ZNF730: variants seen among roughly 807,000 people sequenced by gnomAD.
The protein encoded by ZNF730 is zinc finger protein 730, also known as putative zinc finger protein 730.
Under a neutral mutation model 12.6 loss-of-function variants are expected in ZNF730, and 12 were observed. The observed-to-expected ratio is 0.95, with a 90% CI of 0.61 to 1.54. The LOEUF is 1.54. Among genes scored for constraint, ZNF730 ranks in the 40% most tolerant of loss-of-function variants. The pLI, the probability that ZNF730 is intolerant of heterozygous loss-of-function variation, is 0.00. For synonymous variants in ZNF730, 194 were observed against 195.8 expected, an observed-to-expected ratio of 0.99 and a Z score of 0.08; for missense variants, 643 against 583.5, an observed-to-expected ratio of 1.10 and a Z score of -1.05.
chr19:23,114,395 C>A (rs1568309583), upstream of ZNF730, among the ~76,000 whole-genome samples: 1 of 148,958 alleles, frequency 6.7e-6, no homozygotes, highest in Non-Finnish European at 1.5e-5. Flanking sequence ...CAAGCTCCGC[C>A]TCCCGGGTTC....
chr19:23,127,194 G>A (rs184875458), intron 1 of ZNF730: 75 of 572,186 alleles, frequency 1.3e-4, no homozygotes, highest in African/African-American at 1.1e-3. Context: ...CCTTTACTCC[G>A]GAAATAATTA....
In ZNF730 at chr19:23,145,531, C is replaced by G. The variant is rs541859764; in HGVS notation, c.487C>G (p.His163Asp). 3 of 1,557,754 alleles carry G rather than the reference C, an allele frequency of 1.9e-6. No homozygotes were observed. Among genetic ancestry groups the G allele is most frequent in the East Asian group, 4.8e-5 (2 of 41,826 alleles). The part of the protein sequence containing the change: ...VFHKFSNSNR[H>D]KIRHTSKKPF... ...TCATAAATTTTCAAATTCAAACAGA[C>G]ATAAGATAAGACATACTTCGAAGAA... The change falls in exon 4 of 4, where the codon CAT becomes GAT. Residue 163 changes from histidine to aspartate, a missense_variant. By Grantham distance (81) the His-to-Asp change is moderately conservative. Transcript: ENST00000597761.
Position 23,131,101 on chromosome 19 carries a change from GT to G in ZNF730, c.4-2975del, listed in dbSNP as rs376976496. ...GCAGAGACATTTTATTTAGCAACTT[GT>G]TTTCCATTCCTGCAGATCTACTCGT... On this transcript the variant is annotated intron_variant, in intron 1 of 3. Coordinates refer to ENST00000597761, the MANE Select transcript of ZNF730 (RefSeq NM_001277403.2). 3.6e-3 allele frequency among the ~76,000 whole-genome samples: 549 copies of G among 152,182 alleles called. 4 individuals carry two copies. The highest frequency in any genetic ancestry group is 0.013 in the African/African-American group (524 of 41,554).
At chr19:23,133,985 A>T in intron 1 of ZNF730, 95 bp from the exon 2 acceptor site, 1 of 1,495,308 alleles carries the variant, frequency 6.7e-7, no homozygotes, top group Non-Finnish European at 9.1e-7. Context: ...TATAAGTAAG[A>T]CCCAATTATA....
chr19:23,127,544 T>G, intron 1 of ZNF730: 1 of 909,392 alleles, frequency 1.1e-6, no homozygotes, highest in Non-Finnish European at 1.8e-6. Context: ...TGCATAGTCT[T>G]CATTTTTAAC....
intron 1 of ZNF730, 89 bp downstream of exon 1, chr19:23,117,265 G>A (rs1012986582): frequency 4.7e-5 from 75 of 1,602,966 alleles, no homozygotes; most frequent in Middle Eastern, 1.7e-4. Flanking sequence ...AGGCCTCCCC[G>A]CAGTCAGCTT....
At chr19:23,134,289 C>T (rs1038099892) in intron 2 of ZNF730, 83 bp downstream of exon 2, 45 of 1,231,280 alleles carry the variant, frequency 3.7e-5, no homozygotes, top group Non-Finnish European at 4.9e-5. Flanking sequence ...TTTCAGATCC[C>T]GGGTTTTTTT....
Position 23,095,767 on chromosome 19 carries a change from G to T in ZNF730, c.-94+20380G>T, listed in dbSNP as rs189962230. Among the ~76,000 whole-genome samples the T allele has an allele frequency of 3.8e-4, 58 of 152,116 alleles. No individual in the cohort carries two copies. In the East Asian group the frequency reaches 0.01, roughly 27 times the overall value. ...GACTCTCCTCTCTTACCTGGATGTT[G>T]CCCAAAAAGAGATTGTGACATACTT... On this transcript the variant is annotated intron_variant, in intron 1 of 2. Transcript: ENST00000593635.
chr19:23,119,553 T>A (rs1156554544), intron 1 of ZNF730, among the ~76,000 whole-genome samples: 1 of 152,218 alleles, frequency 6.6e-6, no homozygotes, highest in Non-Finnish European at 1.5e-5. Flanking sequence ...CCAGGAGCAG[T>A]GGCTCACGCC....
intron 1 of ZNF730, among the ~76,000 whole-genome samples, chr19:23,110,054 C>T (rs1262333856): frequency 6.8e-6 from 1 of 147,286 alleles, no homozygotes; most frequent in Admixed American, 6.8e-5. Flanking sequence ...GCAACCTGCA[C>T]CTCCCAGGTT....
At chr19:23,089,901 A>T (rs994222230) in intron 1 of ZNF730, among the ~76,000 whole-genome samples, 1 of 152,198 alleles carries the variant, frequency 6.6e-6, no homozygotes, top group African/African-American at 2.4e-5. Context: ...ACCTCCTAAA[A>T]ATGTATTGAA....
chr19:23,084,370 T>A (rs1599565946), intron 1 of ZNF730, among the ~76,000 whole-genome samples: 1 of 152,180 alleles, frequency 6.6e-6, no homozygotes, highest in East Asian at 1.9e-4. Flanking sequence ...TTTGCGCTTT[T>A]AAAAAAAATG....
Position 23,145,416 on chromosome 19 carries a change from G to T in ZNF730, c.372G>T (p.Lys124Asn), listed in dbSNP as rs1332013377. 1.9e-6 allele frequency: 3 copies of T among 1,585,010 alleles called. No homozygotes were observed. The highest frequency in any genetic ancestry group is 2.6e-6 in the Non-Finnish European group (3 of 1,166,420). Reference sequence around the variant, plus strand: ...GCTGTAAAAATGTGGATGAGTTTAAGATGCACAAAAAAGGTTATAATAGAC... The same window carrying T: ...GCTGTAAAAATGTGGATGAGTTTAATATGCACAAAAAAGGTTATAATAGAC... ...RKGCKNVDEF[K>N]MHKKGYNRHN... The change falls in exon 4 of 4, where the codon AAG becomes AAT. Residue 124 changes from lysine (K) to asparagine (N), a missense_variant. Lys to Asn is a moderately conservative substitution (Grantham distance 94, BLOSUM62 0). Transcript: ENST00000597761.
chr19:23,098,483 C>T (rs529023343), intron 1 of ZNF730: 10 of 152,144 alleles, frequency 6.6e-5, no homozygotes, highest in Non-Finnish European at 1.2e-4. Flanking sequence ...GTGCCAAACA[C>T]CTAAACGATG....
rs760199360 is a variant in ZNF730 at position 23,134,080 on chromosome 19, G to A, written c.4G>A (p.Gly2Arg). 1.9e-6 allele frequency: 3 copies of A among 1,612,908 alleles called. No homozygotes were observed. In the East Asian group the frequency reaches 6.7e-5, roughly 36 times the overall value. Reference sequence around the variant, plus strand: ...ATGTGTGTTTGTTTGTGTTTTTCAGGGAGCGTTGACATTTAGAGATGTGGC... The same window carrying A: ...ATGTGTGTTTGTTTGTGTTTTTCAGAGAGCGTTGACATTTAGAGATGTGGC... MGALTFRDVAIE... is the reference protein window; with the variant it reads MRALTFRDVAIE... The change falls in exon 2 of 4, where the codon GGA becomes AGA. Residue 2 changes from glycine to arginine, a missense_variant and splice_region_variant. Gly to Arg is a moderately radical substitution (Grantham distance 125, BLOSUM62 -2). Coordinates refer to ENST00000597761, the MANE Select transcript of ZNF730 (RefSeq NM_001277403.2).
chr19:23,113,395 CT>C (rs1970478740), upstream of ZNF730, among the ~76,000 whole-genome samples: 1 of 152,022 alleles, frequency 6.6e-6, no homozygotes, highest in Non-Finnish European at 1.5e-5. Flanking sequence ...ATAAAATTGT[CT>C]CTCACTAACT....
chr19:23,086,196 T>C (rs1970062110), intron 1 of ZNF730, among the ~76,000 whole-genome samples: 1 of 152,330 alleles, frequency 6.6e-6, no homozygotes, highest in Middle Eastern at 3.4e-3. Context: ...TTCTTCTAGC[T>C]GCTGGATATT....
upstream of ZNF730, among the ~76,000 whole-genome samples, chr19:23,115,953 A>C (rs79094894): frequency 3.6e-3 from 554 of 152,348 alleles, 5 homozygotes; most frequent in African/African-American, 0.011. Context: ...AGTGGGCTCC[A>C]TAAAGGTACT....
At chr19:23,075,237 C>T (rs948667977) in exon 1 of ZNF730, 2 of 152,336 alleles carry the variant, frequency 1.3e-5, no homozygotes, top group Admixed American at 1.3e-4. Flanking sequence ...CCCGCCAGAG[C>T]TTGGGATCGG....
Sources: allele counts gnomAD v4.1 joint callset (sites outside exome capture counted in the v4.1 genomes callset), GRCh38; gene constraint gnomAD v4.1.1; transcripts MANE v1.5; gene names NCBI Gene and HGNC (gene_info 2026-07-23, HGNC 2026-07-21).